Variants in SIPA1L3 observed in about 807,000 individuals in gnomAD.
SIPA1L3 encodes the protein signal-induced proliferation-associated 1-like protein 3.
In SIPA1L3, 59 loss-of-function variants were observed where a neutral mutation model predicts 150.1. The observed-to-expected ratio is 0.39, with a 90% confidence interval of 0.32 to 0.49. The LOEUF is 0.49. Among genes scored for constraint, SIPA1L3 ranks in the 20% least tolerant of loss-of-function variants. The pLI is 0.86. For missense variants in SIPA1L3, 2,211 were observed against 2,489.5 expected (o/e 0.89, Z 2.38); for synonymous variants, 1,070 against 1,077.6 (o/e 0.99, Z 0.14).
chr19:38,086,372 GC>G (rs138066282), intron 3 of SIPA1L3, among the ~76,000 whole-genome samples: 2,624 of 151,978 alleles, frequency 0.017, 83 homozygotes, highest in African/African-American at 0.06. Context: ...TTTCTTTGTA[GC>G]CCTGAAAGCT....
chr19:37,960,555 C>T (rs1341525478), intron 1 of SIPA1L3, among the ~76,000 whole-genome samples: 1 of 152,026 alleles, frequency 6.6e-6, no homozygotes, highest in Non-Finnish European at 1.5e-5. Context: ...AGGTGCCCAC[C>T]ACCACGCCTG....
chr19:38,164,574 C>T lies in SIPA1L3; in HGVS notation c.3876C>T (p.Asp1292=), dbSNP rs1167294112. Residue 1292 remains aspartate, a synonymous_variant, in exon 15 of 22, where the codon GAC becomes GAT. Coordinates refer to ENST00000222345, the MANE Select transcript of SIPA1L3 (RefSeq NM_015073.3). The surrounding 1 kb of genome is among the most constrained non-coding windows in gnomAD (Gnocchi z 4.1). The stretch of plus-strand genomic sequence containing the variant: ...ACGACCGCTGGTTCGACCCCCTGGA[C>T]CCCCTGGAGCCAGAGCAAGACCCCC... The part of the protein sequence containing the change: ...HSDDRWFDPL[D]PLEPEQDPLS... The T allele has an allele frequency of 6.2e-7, 1 of 1,614,072 alleles. No homozygotes were observed. The highest frequency in any genetic ancestry group is 1.7e-5 in the Admixed American group (1 of 60,008).
chr19:38,082,720 G>A lies in SIPA1L3; in HGVS notation c.1155G>A (p.Thr385=). ...CCGCCTCGGCCATGGCCTCCCTCAC[G>A]GCCTCGCGGGCCCACAGCCTCGGAG... is the stretch of plus-strand genomic sequence containing the variant. ...ASAASAMASL[T]ASRAHSLGGL... is the part of the protein sequence containing the mutation. The change falls in exon 3 of 22, where the codon ACG becomes ACA. Residue 385 remains threonine (T), a synonymous_variant. Coordinates refer to ENST00000222345, the MANE Select transcript of SIPA1L3 (RefSeq NM_015073.3). 2 of 1,611,788 alleles carry A rather than the reference G, an allele frequency of 1.2e-6. No individual in the cohort carries two copies. The highest frequency in any genetic ancestry group is 1.7e-6 in the Non-Finnish European group (2 of 1,179,500).
chr19:38,132,693 G>A (rs1272021298), intron 10 of SIPA1L3, among the ~76,000 whole-genome samples: 1 of 150,636 alleles, frequency 6.6e-6, no homozygotes, highest in African/African-American at 2.4e-5. Context: ...TGTCACCCAG[G>A]CTGGAGTGCA....
At chr19:37,963,108 T>A (rs1409696195) in intron 1 of SIPA1L3, among the ~76,000 whole-genome samples, 1 of 152,236 alleles carries the variant, frequency 6.6e-6, no homozygotes, top group Non-Finnish European at 1.5e-5. Context: ...CCAATGGATC[T>A]GTGTCTGTGG....
intron 1 of SIPA1L3, among the ~76,000 whole-genome samples, chr19:37,981,666 C>T (rs1185112214): frequency 2.0e-5 from 3 of 152,148 alleles, no homozygotes; most frequent in East Asian, 1.9e-4. Flanking sequence ...GTAGCAGCGT[C>T]GCCATCATTT....
At chr19:37,942,409 GC>G (rs949773862) in intron 1 of SIPA1L3, among the ~76,000 whole-genome samples, 1 of 151,392 alleles carries the variant, frequency 6.6e-6, no homozygotes, top group Non-Finnish European at 1.5e-5. Flanking sequence ...GGAGTGGTAT[GC>G]AAAGGTGCCA....
chr19:38,104,449 G>A (rs1463663025), intron 6 of SIPA1L3, among the ~76,000 whole-genome samples: 2 of 152,234 alleles, frequency 1.3e-5, no homozygotes, highest in Non-Finnish European at 2.9e-5. Flanking sequence ...CTCCCTCTGT[G>A]CCGAGTGCTT....
intron 10 of SIPA1L3, among the ~76,000 whole-genome samples, chr19:38,134,318 A>T (rs1441744394): frequency 6.7e-6 from 1 of 148,750 alleles, no homozygotes; most frequent in East Asian, 2.0e-4. Context: ...GTGATGGCAC[A>T]TGCATGTAGT....
chr19:38,019,226 G>A (rs1599912188), intron 1 of SIPA1L3, among the ~76,000 whole-genome samples: 2 of 152,326 alleles, frequency 1.3e-5, no homozygotes, highest in Admixed American at 1.3e-4. Flanking sequence ...AAGACATCCA[G>A]AGATAGGCAG....
rs1274753372 is a variant in SIPA1L3 at position 38,110,304 on chromosome 19, C to A, written c.2211C>A (p.Pro737=). 6.2e-6 allele frequency: 10 copies of A among 1,614,076 alleles called. No individual in the cohort carries two copies. The highest frequency in any genetic ancestry group is 8.5e-6 in the Non-Finnish European group (10 of 1,180,044). ...FQEPGALPFT[P]KNIRSHFQHV... is the part of the protein sequence containing the mutation. ...AGCCTGGCGCGCTACCGTTCACCCC[C>A]AAGAACATCCGCTCCCACTTCCAGC... The change falls in exon 8 of 22, where the codon CCC becomes CCA. Residue 737 remains proline, a synonymous_variant. Transcript: ENST00000222345.
chr19:38,080,784 A>G (rs897447813), intron 2 of SIPA1L3, among the ~76,000 whole-genome samples: 2 of 152,094 alleles, frequency 1.3e-5, no homozygotes, highest in African/African-American at 4.8e-5. Context: ...AGTTTGGCCA[A>G]TATGACAAAA....
rs996548081 is a variant in SIPA1L3 at position 38,001,507 on chromosome 19, G to C, written c.-378-27582G>C. Among the ~76,000 whole-genome samples the C allele has an allele frequency of 4.6e-5, 7 of 152,152 alleles. No homozygotes were observed. In the East Asian group the frequency reaches 1.2e-3, roughly 25 times the overall value. ...GTGGGAACAATCATAGCTCACTTCA[G>C]CCTCAGCCTCTTAGCTCAGGTGATC... On this transcript the variant is annotated intron_variant, in intron 1 of 21. Coordinates refer to ENST00000222345, the MANE Select transcript of SIPA1L3 (RefSeq NM_015073.3).
intron 15 of SIPA1L3, among the ~76,000 whole-genome samples, chr19:38,182,067 G>A (rs1209278728): frequency 6.6e-6 from 1 of 150,930 alleles, no homozygotes; most frequent in African/African-American, 2.5e-5. Context: ...CTTGAGGCTG[G>A]GAGGTCGAGC....
chr19:37,918,242 C>A (rs993506420), intron 1 of SIPA1L3, among the ~76,000 whole-genome samples: 5 of 151,656 alleles, frequency 3.3e-5, no homozygotes, highest in African/African-American at 1.2e-4. Flanking sequence ...AAGCTCATTT[C>A]TTTGTTTTTT....
intron 1 of SIPA1L3, among the ~76,000 whole-genome samples, chr19:37,949,226 AG>A (rs2046739842): frequency 6.6e-6 from 1 of 152,120 alleles, no homozygotes; most frequent in African/African-American, 2.4e-5. Flanking sequence ...GGGTTTCTCC[AG>A]GCATTTGGCC....
At chr19:38,112,504 G>A (rs1970787117) in intron 8 of SIPA1L3, among the ~76,000 whole-genome samples, 1 of 152,102 alleles carries the variant, frequency 6.6e-6, no homozygotes, top group East Asian at 1.9e-4. Context: ...GGTCTCCAGA[G>A]TGATTTCTTC....
At chr19:38,017,089 G>A (rs1968253850) in intron 1 of SIPA1L3, among the ~76,000 whole-genome samples, 1 of 150,878 alleles carries the variant, frequency 6.6e-6, no homozygotes, top group Non-Finnish European at 1.5e-5. Context: ...TAGAGACGGG[G>A]TTTCACCATG....
At chr19:38,135,229 T>C (rs1022644752) in intron 10 of SIPA1L3, among the ~76,000 whole-genome samples, 1 of 152,152 alleles carries the variant, frequency 6.6e-6, no homozygotes, top group African/African-American at 2.4e-5. Flanking sequence ...CTCCACTTGG[T>C]GGGGGACAGT....
Sources: allele counts gnomAD v4.1 joint callset (sites outside exome capture counted in the v4.1 genomes callset), GRCh38; gene constraint gnomAD v4.1.1; non-coding constraint Gnocchi (gnomAD v3.1); transcripts MANE v1.5; gene names NCBI Gene and HGNC (gene_info 2026-07-23, HGNC 2026-07-21).